JAKMIP3: variants seen among roughly 807,000 people sequenced by gnomAD.
The protein encoded by JAKMIP3 is janus kinase and microtubule-interacting protein 3.
In JAKMIP3, 58 loss-of-function variants were observed where a neutral mutation model predicts 118.5. That is an observed-to-expected ratio of 0.49 (90% confidence interval 0.40 to 0.61). JAKMIP3 has a LOEUF of 0.61. Among genes scored for constraint, JAKMIP3 ranks in the 20% least tolerant of loss-of-function variants. The pLI, the probability that JAKMIP3 is intolerant of heterozygous loss-of-function variation, is 0.00. For synonymous variants in JAKMIP3, 486 were observed against 451.2 expected, an observed-to-expected ratio of 1.08 and a Z score of -0.98; for missense variants, 950 against 1,109.0, an observed-to-expected ratio of 0.86 and a Z score of 2.04.
At position 132,168,335 on chromosome 10, in the gene JAKMIP3, C is replaced by T. The variant is rs1204073278; in HGVS notation, c.*405C>T. ...GTCCCCTCCTCTCTCTTGGTTCTCA[C>T]AGTAGCTGCCACTGGTGTCTGGAGG... On this transcript the variant is annotated 3_prime_UTR_variant, in exon 23 of 24. Coordinates refer to ENST00000684848, the MANE Select transcript of JAKMIP3 (RefSeq NM_001323087.2). The T allele has an allele frequency of 7.8e-6, 10 of 1,289,478 alleles. No individual in the cohort carries two copies. The Admixed American group carries it at 2.1e-4, about 27-fold the overall frequency. The allele number at this position is 1,289,478 out of a possible 1,614,324, so 79.9% of individuals were successfully genotyped here. A position where few individuals can be genotyped will look rare whatever the true frequency, so the allele number is the denominator to read the frequency against.
chr10:132,127,392 T>G (rs987229363), intron 3 of JAKMIP3, among the ~76,000 whole-genome samples: 5 of 146,868 alleles, frequency 3.4e-5, no homozygotes, highest in Admixed American at 6.8e-5. Flanking sequence ...CTGGCTAATT[T>G]TGTGTGTGTG....
chr10:132,174,775 G>A (rs1453697375), intron 23 of JAKMIP3, among the ~76,000 whole-genome samples: 1 of 152,164 alleles, frequency 6.6e-6, no homozygotes, highest in Non-Finnish European at 1.5e-5. Context: ...CACAGGTTAG[G>A]CTGGTTCTCC....
At chr10:132,079,197 T>C (rs6560678) in intron 1 of JAKMIP3, among the ~76,000 whole-genome samples, 69,902 of 151,916 alleles carry the variant, frequency 0.46, 16,532 homozygotes, top group African/African-American at 0.58. Context: ...CCCGGTAGCC[T>C]CGCTTCTGGT....
At chr10:132,171,256 G>A (rs895202825) in intron 23 of JAKMIP3, among the ~76,000 whole-genome samples, 3 of 152,200 alleles carry the variant, frequency 2.0e-5, no homozygotes, top group African/African-American at 7.2e-5. Flanking sequence ...AGTCTCCAGC[G>A]TGAGTTTGAA....
At chr10:132,068,483 G>A (rs2039286878) in intron 1 of JAKMIP3, among the ~76,000 whole-genome samples, 1 of 149,762 alleles carries the variant, frequency 6.7e-6, no homozygotes, top group Non-Finnish European at 1.5e-5. Flanking sequence ...TGAATCTCTT[G>A]GGCAAGTGTT....
At chr10:132,126,362 G>A (rs368220184) in intron 3 of JAKMIP3, among the ~76,000 whole-genome samples, 3 of 151,840 alleles carry the variant, frequency 2.0e-5, no homozygotes, top group Admixed American at 2.0e-4. Flanking sequence ...GAGTGCAGTG[G>A]TAAGATCACA....
At chr10:132,097,918 CCCTTT>C (rs1564892730) in intron 1 of JAKMIP3, among the ~76,000 whole-genome samples, 1 of 24,172 alleles carries the variant, frequency 4.1e-5, no homozygotes, top group African/African-American at 1.1e-4. Context: ...CTTCCCCTTC[CCCTTT>C]CCTTCCCCTT....
At chr10:132,135,842 C>T in intron 5 of JAKMIP3, 88 bp from the exon 6 acceptor site, 1 of 1,411,782 alleles carries the variant, frequency 7.1e-7, no homozygotes, top group Non-Finnish European at 9.6e-7. Context: ...TGTTGCAGCC[C>T]AAGCTGTGGT....
chr10:132,178,782 C>T (rs896062750), intron 23 of JAKMIP3, among the ~76,000 whole-genome samples: 1 of 152,220 alleles, frequency 6.6e-6, no homozygotes, highest in African/African-American at 2.4e-5. Flanking sequence ...GTTCCGGACC[C>T]CAGGAAGGTT....
intron 1 of JAKMIP3, among the ~76,000 whole-genome samples, chr10:132,050,163 T>C (rs1037102584): frequency 3.3e-5 from 5 of 152,208 alleles, no homozygotes; most frequent in Non-Finnish European, 5.9e-5. Context: ...TGTTTTCAAT[T>C]GCATGCCTGT....
intron 3 of JAKMIP3, among the ~76,000 whole-genome samples, chr10:132,132,705 G>T (rs2050869956): frequency 6.6e-6 from 1 of 152,222 alleles, no homozygotes; most frequent in Admixed American, 6.5e-5. Context: ...CGGGGCCCCA[G>T]CTTTGTAGCC....
intron 1 of JAKMIP3, among the ~76,000 whole-genome samples, chr10:132,086,076 T>G (rs2042360153): frequency 6.6e-6 from 1 of 152,194 alleles, no homozygotes. Context: ...GTTGTTCAGT[T>G]CGAAGAATTT....
intron 2 of JAKMIP3, among the ~76,000 whole-genome samples, chr10:132,113,695 T>A (rs929350529): frequency 6.6e-6 from 1 of 152,236 alleles, no homozygotes; most frequent in Non-Finnish European, 1.5e-5. Context: ...GGAGACACTT[T>A]CCTATGTTTT....
chr10:132,127,825 G>A (rs1156685824), intron 3 of JAKMIP3, among the ~76,000 whole-genome samples: 1 of 152,082 alleles, frequency 6.6e-6, no homozygotes, highest in Non-Finnish European at 1.5e-5. Context: ...ATATTAATAT[G>A]TATCCTTAAC....
At chr10:132,110,505 G>A (rs761732945) in intron 2 of JAKMIP3, among the ~76,000 whole-genome samples, 1 of 152,246 alleles carries the variant, frequency 6.6e-6, no homozygotes, top group Non-Finnish European at 1.5e-5. Context: ...CTCTGCTGCG[G>A]TACTGGACTG....
At chr10:132,173,474 A>G (rs1014464145) in intron 23 of JAKMIP3, among the ~76,000 whole-genome samples, 4 of 151,784 alleles carry the variant, frequency 2.6e-5, no homozygotes, top group African/African-American at 9.7e-5. Context: ...CTGGAGCACA[A>G]TTCCTTTCCC....
chr10:132,139,616 G>A (rs1341847092), intron 9 of JAKMIP3, among the ~76,000 whole-genome samples: 1 of 145,710 alleles, frequency 6.9e-6, no homozygotes, highest in African/African-American at 2.6e-5. Flanking sequence ...AGGTGGAGAG[G>A]AGGAGCTGTC....
At chr10:132,038,490 A>G (rs1040915204) in intron 1 of JAKMIP3, among the ~76,000 whole-genome samples, 1 of 152,212 alleles carries the variant, frequency 6.6e-6, no homozygotes, top group Non-Finnish European at 1.5e-5. Context: ...CAAAAGAAAT[A>G]GCGATGATCA....
At chr10:132,116,898 C>T (rs542772648) in intron 2 of JAKMIP3, among the ~76,000 whole-genome samples, 179 bp from the exon 3 acceptor site, 13 of 147,250 alleles carry the variant, frequency 8.8e-5, no homozygotes, top group African/African-American at 3.0e-4. Context: ...GTGTGTGCAA[C>T]GTGGAAGCTC....
Sources: gnomAD v4.1 joint callset for allele counts (sites outside exome capture counted in the v4.1 genomes callset) on GRCh38, gnomAD v4.1.1 for gene constraint, MANE v1.5 for transcripts, NCBI Gene and HGNC (gene_info 2026-07-23, HGNC 2026-07-21) for gene names.